Variants in DHRSX observed in about 807,000 individuals in gnomAD.
DHRSX encodes dehydrogenase/reductase X-linked.
DHRSX carries 31 observed loss-of-function variants against 34.0 expected under a neutral mutation model. That is an observed-to-expected ratio of 0.91 (90% CI 0.69 to 1.23). The LOEUF is 1.23. DHRSX is among the 50% of genes most tolerant of loss of function. DHRSX has a pLI of 0.00. For synonymous variants in DHRSX, 201 were observed against 183.8 expected (o/e 1.09, Z -0.76); for missense variants, 414 against 428.1 (o/e 0.97, Z 0.29).
At position 2,477,848 on chromosome X, in the gene DHRSX, G is replaced by A. The variant is rs375304440; in HGVS notation, c.109+22969C>T. 1.8e-3 allele frequency among the ~76,000 whole-genome samples: 274 copies of A among 148,726 alleles called. 2 individuals carry two copies. The highest frequency in any genetic ancestry group is 5.6e-3 in the African/African-American group (225 of 40,260). Reference sequence around the variant, plus strand: ...TGACAGGGTGACAGAGCAAGACTCCGTCTCAAAAAAAAAAAAAAGAATGAA... The same window carrying A: ...TGACAGGGTGACAGAGCAAGACTCCATCTCAAAAAAAAAAAAAAGAATGAA... On this transcript the variant is annotated intron_variant, in intron 1 of 6. Transcript: ENST00000334651.
At chrX:2,471,888 A>G (rs112404929) in intron 1 of DHRSX, among the ~76,000 whole-genome samples, 29,321 of 149,322 alleles carry the variant, frequency 0.2, 4,541 homozygotes, top group African/African-American at 0.39. Flanking sequence ...GCTCACACCT[A>G]TAATCTCAGC....
intron 1 of DHRSX, among the ~76,000 whole-genome samples, chrX:2,471,462 G>A (rs2044591406): frequency 7.0e-6 from 1 of 142,372 alleles, no homozygotes; most frequent in South Asian, 2.1e-4. Context: ...AGCTACTCAG[G>A]AGACTGAGGC....
At chrX:2,318,541 A>G (rs1484957772) in intron 3 of DHRSX, among the ~76,000 whole-genome samples, 1 of 152,118 alleles carries the variant, frequency 6.6e-6, no homozygotes, top group African/African-American at 2.4e-5. Context: ...TGTTCATTAT[A>G]CGCTAACTCT....
chrX:2,399,078 T>C (rs1474642493), intron 3 of DHRSX, among the ~76,000 whole-genome samples: 2 of 151,920 alleles, frequency 1.3e-5, no homozygotes, highest in Non-Finnish European at 2.9e-5. Flanking sequence ...ATGGTCTCGA[T>C]CTCCTGATCT....
intron 5 of DHRSX, among the ~76,000 whole-genome samples, chrX:2,251,603 C>T (rs756108605): frequency 5.3e-5 from 8 of 152,200 alleles, no homozygotes; most frequent in African/African-American, 1.9e-4. Context: ...TGACCCTGTC[C>T]CCTTTGTTCG....
chrX:2,495,783 T>C (rs1057452698), intron 1 of DHRSX, among the ~76,000 whole-genome samples: 22 of 147,486 alleles, frequency 1.5e-4, no homozygotes, highest in Non-Finnish European at 3.1e-4. Context: ...GGGAGGGGGG[T>C]TTGGGGGGGA....
chrX:2,387,019 C>A (rs1174848772), intron 3 of DHRSX, among the ~76,000 whole-genome samples: 4 of 151,830 alleles, frequency 2.6e-5, no homozygotes. Context: ...TTATTTCTTA[C>A]TAGCACGAGA....
chrX:2,291,650 T>C, intron 3 of DHRSX, 47 bp from the exon 4 acceptor site: 3 of 1,398,850 alleles, frequency 2.1e-6, no homozygotes, highest in Middle Eastern at 1.8e-4. Flanking sequence ...TCCCAACCTA[T>C]TTCAGAGATT....
chrX:2,423,437 A>G (rs1350937421), intron 2 of DHRSX, among the ~76,000 whole-genome samples: 1 of 151,592 alleles, frequency 6.6e-6, no homozygotes, highest in African/African-American at 2.4e-5. Context: ...AAATAAATAA[A>G]TAAAATGAGC....
chrX:2,236,919 T>A (rs1298077032), intron 6 of DHRSX, among the ~76,000 whole-genome samples: 1 of 149,318 alleles, frequency 6.7e-6, no homozygotes, highest in Non-Finnish European at 1.5e-5. Context: ...CTGGGTAGGG[T>A]GTCTCATGCC....
At chrX:2,476,474 T>C (rs1208332848) in intron 1 of DHRSX, among the ~76,000 whole-genome samples, 4 of 151,230 alleles carry the variant, frequency 2.6e-5, no homozygotes, top group Non-Finnish European at 5.9e-5. Context: ...GAAAAAAATA[T>C]CTGTAATAGT....
At chrX:2,457,376 T>C (rs761617657) in intron 1 of DHRSX, among the ~76,000 whole-genome samples, 1 of 151,756 alleles carries the variant, frequency 6.6e-6, no homozygotes, top group African/African-American at 2.4e-5. Flanking sequence ...ACTGAAGACG[T>C]TCCCTAAGTA....
intron 3 of DHRSX, among the ~76,000 whole-genome samples, chrX:2,296,458 GAGGCAGACAGGAATAGGACCC>G (rs2041932592): frequency 1.3e-5 from 2 of 150,890 alleles, no homozygotes; most frequent in Non-Finnish European, 2.9e-5. Context: ...GCATAGACCC[GAGGCAGACAGGAATAGGACCC>G]AGGCAGATAG....
chrX:2,260,459 CA>C (rs1306821881), intron 5 of DHRSX, among the ~76,000 whole-genome samples: 4,220 of 138,844 alleles, frequency 0.03, 240 homozygotes, highest in African/African-American at 0.13. Context: ...TTTTCTACTT[CA>C]TTTTTTTTTT....
At chrX:2,392,316 AT>A (rs1448269698) in intron 3 of DHRSX, 2 of 164,984 alleles carry the variant, frequency 1.2e-5, no homozygotes, top group Non-Finnish European at 2.6e-5. Flanking sequence ...CATAAAGTAT[AT>A]GTAAAGCATT....
At chrX:2,240,944 C>T (rs539215150) in intron 6 of DHRSX, among the ~76,000 whole-genome samples, 9 of 152,190 alleles carry the variant, frequency 5.9e-5, no homozygotes, top group African/African-American at 1.9e-4. Flanking sequence ...CTTCGGGAGA[C>T]CGAGGCGGGC....
chrX:2,369,176 T>TC (rs1411811153), intron 3 of DHRSX, among the ~76,000 whole-genome samples: 6 of 151,964 alleles, frequency 3.9e-5, no homozygotes, highest in African/African-American at 1.5e-4. Context: ...GGTTGAAACT[T>TC]CCCCCCAGCC....
intron 2 of DHRSX, among the ~76,000 whole-genome samples, chrX:2,418,305 G>A (rs1458108999): frequency 6.6e-6 from 1 of 151,648 alleles, no homozygotes; most frequent in African/African-American, 2.4e-5. Context: ...CAAAGGAGAC[G>A]TTATCATGAT....
intron 1 of DHRSX, among the ~76,000 whole-genome samples, chrX:2,483,910 G>A (rs1400823836): frequency 2.6e-5 from 4 of 151,944 alleles, no homozygotes; most frequent in Admixed American, 1.3e-4. Flanking sequence ...AATGGTTGGG[G>A]GAAAAAAAGA....
Sources: allele counts gnomAD v4.1 joint callset (sites outside exome capture counted in the v4.1 genomes callset), GRCh38; gene constraint gnomAD v4.1.1; transcripts MANE v1.5; gene names NCBI Gene and HGNC (gene_info 2026-07-23, HGNC 2026-07-21).